Variants in TPR observed in about 807,000 individuals in gnomAD.
TPR encodes the protein translocated promoter region, nuclear basket protein.
TPR carries 51 observed loss-of-function variants against 316.1 expected under a neutral mutation model. The ratio of observed to expected loss-of-function variants is 0.16; its 90% CI spans 0.13 to 0.20. TPR has a LOEUF of 0.20. Ranked by LOEUF, TPR falls within the 10% of genes least tolerant of loss-of-function variation. TPR has a pLI of 1.00. For missense variants in TPR, 2,272 were observed against 2,754.8 expected, an observed-to-expected ratio of 0.82 and a Z score of 3.92; for synonymous variants, 981 against 914.7, an observed-to-expected ratio of 1.07 and a Z score of -1.31.
intron 49 of TPR, among the ~76,000 whole-genome samples, chr1:186,317,219 C>A (rs1657636721): frequency 6.6e-6 from 1 of 152,164 alleles, no homozygotes; most frequent in African/African-American, 2.4e-5. Context: ...TGTTGACAAC[C>A]AATAGTCTAG....
Position 186,313,731 on chromosome 1 carries a change from A to G in TPR, c.*240T>C. The G allele has an allele frequency of 2.5e-6, 4 of 1,610,476 alleles. No homozygotes were observed. The highest frequency in any genetic ancestry group is 3.4e-6 in the Non-Finnish European group (4 of 1,176,860). ...TAGTAGAACAGCAAGAGCAATTACT[A>G]CTCGTTCTGGGCAGACCTTATCCAA... On this transcript the variant is annotated 3_prime_UTR_variant, in exon 51 of 51. Transcript: ENST00000367478.
intron 50 of TPR, 75 bp from the exon 51 acceptor site, chr1:186,314,101 C>A: frequency 7.3e-7 from 1 of 1,366,060 alleles, no homozygotes; most frequent in South Asian, 1.3e-5. Flanking sequence ...TACCCTAGTT[C>A]ATTATAAAAA....
At chr1:186,369,169 A>T (rs747078122) in intron 3 of TPR, among the ~76,000 whole-genome samples, 2 of 152,168 alleles carry the variant, frequency 1.3e-5, no homozygotes, top group Non-Finnish European at 2.9e-5. Flanking sequence ...CAGTTTTCTA[A>T]ATCATGAAGT....
chr1:186,348,484 G>A (rs1300958425), intron 21 of TPR, among the ~76,000 whole-genome samples: 1 of 151,988 alleles, frequency 6.6e-6, no homozygotes, highest in African/African-American at 2.4e-5. Flanking sequence ...TTCTGCTTTT[G>A]CCCTTTGCCC....
chr1:186,352,905 A>G (rs1374590209), intron 18 of TPR, among the ~76,000 whole-genome samples: 1 of 152,244 alleles, frequency 6.6e-6, no homozygotes, highest in African/African-American at 2.4e-5. Context: ...GACAGAAGAG[A>G]TAACTGAATA....
intron 21 of TPR, among the ~76,000 whole-genome samples, chr1:186,348,299 G>A (rs904878520): frequency 2.6e-5 from 4 of 152,126 alleles, no homozygotes; most frequent in Non-Finnish European, 4.4e-5. Context: ...TTGAGATAAG[G>A]ACTGAGATAA....
chr1:186,363,534 T>A, intron 4 of TPR, 89 bp from the exon 5 acceptor site: 1 of 875,872 alleles, frequency 1.1e-6, no homozygotes. Context: ...AATATAAACC[T>A]TTAATACAAA....
Position 186,375,243 on chromosome 1 carries a change from C to T in TPR, c.-215G>A, listed in dbSNP as rs867647259. 6 of 1,450,062 alleles carry T rather than the reference C, an allele frequency of 4.1e-6. 1 individual carries two copies. In the South Asian group the frequency reaches 4.3e-5, roughly 10 times the overall value. 89.8% of individuals were successfully genotyped at this position (1,450,062 alleles called of 1,614,324 possible). On this transcript the variant is annotated 5_prime_UTR_variant, in exon 1 of 51. Transcript: ENST00000367478. ...GTTTCAGCAACAGCACCTCACCGCC[C>T]GCGACCGAAGTGCGCGCGCAGCCGT...
rs913205118 is a variant in TPR at position 186,337,129 on chromosome 1, C to T, written c.4390G>A (p.Gly1464Arg). 7 of 1,613,644 alleles carry T rather than the reference C, an allele frequency of 4.3e-6. No individual in the cohort carries two copies. In the Admixed American group the frequency reaches 1.0e-4, roughly 23 times the overall value. Residue 1464 changes from glycine to arginine, a missense_variant, in exon 32 of 51, where the codon GGA (glycine) becomes AGA (arginine). Coordinates refer to ENST00000367478, the MANE Select transcript of TPR (RefSeq NM_003292.3). ...GAAACATGCTGCTCCTGATGGTCTC[C>T]AGAGGACTGAGCCGATGTCTCCATA... ...KVMETSAQSS[G>R]DHQEQHVSVQ...
intron 33 of TPR, 80 bp from the exon 34 acceptor site, chr1:186,335,623 G>A (rs1658317063): frequency 8.7e-7 from 1 of 1,144,332 alleles, no homozygotes; most frequent in African/African-American, 1.6e-5. Context: ...TTGGCACATG[G>A]TCACATCAGA....
chr1:186,355,817 C>T, intron 15 of TPR, 49 bp from the exon 16 acceptor site: 1 of 1,595,326 alleles, frequency 6.3e-7, no homozygotes, highest in Middle Eastern at 1.7e-4. Flanking sequence ...TTTCATAAAT[C>T]AGCTTTAATC....
chr1:186,357,347 G>A, intron 14 of TPR, 50 bp downstream of exon 14: 1 of 1,576,344 alleles, frequency 6.3e-7, no homozygotes, highest in Non-Finnish European at 8.7e-7. Context: ...GAGCCTAGCT[G>A]AGGTTTTCAT....
At chr1:186,334,970 T>G (rs899666812) in intron 35 of TPR, 98 bp downstream of exon 35, 1 of 1,237,524 alleles carries the variant, frequency 8.1e-7, no homozygotes, top group Non-Finnish European at 1.1e-6. Flanking sequence ...GTTTTTACAA[T>G]AGAATACACA....
Position 186,341,359 on chromosome 1 carries a change from C to T in TPR, c.3781G>A (p.Glu1261Lys), listed in dbSNP as rs763171008. 4 of 1,613,396 alleles carry T rather than the reference C, an allele frequency of 2.5e-6. No individual in the cohort carries two copies. Among genetic ancestry groups the T allele is most frequent in the South Asian group, 2.2e-5 (2 of 91,036 alleles). Residue 1261 changes from glutamate to lysine, a missense_variant, in exon 28 of 51, where the codon GAA becomes AAA. Around this residue, in one of 10 missense-constraint regions of TPR, gnomAD observed 757 missense variants for 859.8 expected, o/e 0.88. Coordinates refer to ENST00000367478, the MANE Select transcript of TPR (RefSeq NM_003292.3). ...ATTGTTTCAGTTTTCTTCATCAGTT[C>T]TTCATGCTGAGCCATTGTTTTTGCA... ...VTAKTMAQHE[E>K]LMKKTETMNV...
At chr1:186,325,144 C>T (rs1355542685) in intron 42 of TPR, among the ~76,000 whole-genome samples, 1 of 152,108 alleles carries the variant, frequency 6.6e-6, no homozygotes, top group Admixed American at 6.6e-5. Flanking sequence ...GTCTAAACAG[C>T]TAAGGTTTTA....
intron 2 of TPR, among the ~76,000 whole-genome samples, chr1:186,372,963 C>G (rs1659578181): frequency 6.6e-6 from 1 of 152,084 alleles, no homozygotes; most frequent in South Asian, 2.1e-4. Flanking sequence ...TAAAAACAAG[C>G]CACTCTCTAC....
Position 186,337,142 on chromosome 1 carries a change from C to T in TPR, c.4377G>A (p.Ser1459=), listed in dbSNP as rs150466145. The T allele has an allele frequency of 1.2e-4, 197 of 1,613,510 alleles. 1 individual carries two copies. The highest frequency in any genetic ancestry group is 1.2e-3 in the African/African-American group (88 of 74,986). The change falls in exon 32 of 51, where the codon TCG becomes TCA. Residue 1459 remains serine (S), a synonymous_variant. Coordinates refer to ENST00000367478, the MANE Select transcript of TPR (RefSeq NM_003292.3). ...KAQQDKVMET[S]AQSSGDHQEQ... is the part of the protein sequence containing the mutation. ...CCTGATGGTCTCCAGAGGACTGAGC[C>T]GATGTCTCCATAACCTAAGACAACA...
chr1:186,347,067 A>T (rs3820181), intron 22 of TPR, among the ~76,000 whole-genome samples: 28,430 of 152,060 alleles, frequency 0.19, 3,016 homozygotes, highest in African/African-American at 0.29. Context: ...AGTCTCCTCA[A>T]CATTTTATCT....
At chr1:186,332,848 T>C (rs374771403) in intron 37 of TPR, among the ~76,000 whole-genome samples, 6 of 152,236 alleles carry the variant, frequency 3.9e-5, no homozygotes, top group East Asian at 1.9e-4. Context: ...GGGAGAATCA[T>C]CTTAATGACA....
Sources: gnomAD v4.1 joint callset for allele counts (sites outside exome capture counted in the v4.1 genomes callset) on GRCh38, gnomAD v4.1.1 for gene constraint, gnomAD v4.1.1 regional missense constraint, MANE v1.5 for transcripts, NCBI Gene and HGNC (gene_info 2026-07-23, HGNC 2026-07-21) for gene names.